The following URB1 variants were observed in gnomAD, a reference collection of about 807,000 sequenced individuals.
URB1 encodes nucleolar pre-ribosomal-associated protein 1.
Under a neutral mutation model 242.3 loss-of-function variants are expected in URB1, and 197 were observed. The ratio of observed to expected loss-of-function variants is 0.81; its 90% confidence interval spans 0.72 to 0.91. The LOEUF is 0.91. Among genes scored for constraint, URB1 ranks in the 40% least tolerant of loss-of-function variants. The pLI, the probability that URB1 is intolerant of heterozygous loss-of-function variation, is 0.00. For synonymous variants in URB1, 1,153 were observed against 1,201.8 expected, an observed-to-expected ratio of 0.96 and a Z score of 0.84; for missense variants, 2,721 against 2,860.5, an observed-to-expected ratio of 0.95 and a Z score of 1.11.
chr21:32,358,953 G>A (rs141815405), intron 14 of URB1, among the ~76,000 whole-genome samples: 3 of 152,268 alleles, frequency 2.0e-5, no homozygotes, highest in East Asian at 1.9e-4. Flanking sequence ...TGAAGCACCC[G>A]TAACCTGCCC....
In URB1 at chr21:32,322,040, T is replaced by C. The variant is rs535821780; in HGVS notation, c.5341-96A>G. ...CCACTATTTTAAGTGGTGGCAAAAGTTGTAACACAGCAGCCCTGACCTCCA... is the reference window on the plus strand; with the variant it reads ...CCACTATTTTAAGTGGTGGCAAAAGCTGTAACACAGCAGCCCTGACCTCCA... On this transcript the variant is annotated intron_variant, in intron 33 of 38. Coordinates refer to ENST00000382751, the MANE Select transcript of URB1 (RefSeq NM_014825.3). 2.0e-5 allele frequency: 28 copies of C among 1,421,284 alleles called. No homozygotes were observed. In the African/African-American group the frequency reaches 3.3e-4, roughly 17 times the overall value. The allele number at this position is 1,421,284 out of a possible 1,614,324, so 88.0% of individuals were successfully genotyped here. A position where few individuals can be genotyped will look rare whatever the true frequency, so the allele number is the denominator to read the frequency against.
intron 5 of URB1, among the ~76,000 whole-genome samples, chr21:32,376,967 A>G (rs1415394754): frequency 6.6e-6 from 1 of 152,116 alleles, no homozygotes. Context: ...CAGCCTCCAG[A>G]GTATTTTTAA....
At chr21:32,360,979 G>A (rs886359341) in intron 13 of URB1, 28 bp downstream of exon 13, 13 of 1,485,042 alleles carry the variant, frequency 8.8e-6, no homozygotes, top group East Asian at 2.5e-5. Context: ...CAACAGTGGC[G>A]GCTTGTCTGC....
chr21:32,334,450 C>G, intron 28 of URB1, 116 bp from the exon 29 acceptor site: 1 of 1,226,862 alleles, frequency 8.2e-7, no homozygotes, highest in Non-Finnish European at 1.1e-6. Flanking sequence ...AGGTGCTGTT[C>G]TGAGCATGCG....
intron 4 of URB1, among the ~76,000 whole-genome samples, chr21:32,382,972 A>G (rs1037493150): frequency 2.6e-5 from 4 of 152,250 alleles, no homozygotes; most frequent in African/African-American, 9.6e-5. Context: ...AAAGTCACTT[A>G]TTAAAAAGCC....
At chr21:32,333,902 G>A (rs2032924693) in intron 29 of URB1, among the ~76,000 whole-genome samples, 1 of 152,216 alleles carries the variant, frequency 6.6e-6, no homozygotes, top group Admixed American at 6.5e-5. Flanking sequence ...TGAAATGATA[G>A]GATCCTTGGG....
chr21:32,372,138 CA>C (rs2033412890), intron 8 of URB1, among the ~76,000 whole-genome samples: 1 of 152,184 alleles, frequency 6.6e-6, no homozygotes, highest in Admixed American at 6.5e-5. Flanking sequence ...GCAAAGCTGG[CA>C]TAACAATGGT....
intron 1 of URB1, 115 bp from the exon 2 acceptor site, chr21:32,385,799 GCA>G: frequency 7.8e-7 from 1 of 1,288,632 alleles, no homozygotes; most frequent in Non-Finnish European, 1.0e-6. Flanking sequence ...CACCTACACT[GCA>G]CAGAAGCTAC....
chr21:32,378,998 T>C (rs1344916336), intron 4 of URB1, among the ~76,000 whole-genome samples: 2 of 152,258 alleles, frequency 1.3e-5, no homozygotes, highest in African/African-American at 2.4e-5. Context: ...TGTGGTGATG[T>C]CTGGTTTTTA....
chr21:32,344,878 C>T (rs2033068378), intron 23 of URB1, 122 bp from the exon 24 acceptor site: 1 of 1,167,076 alleles, frequency 8.6e-7, no homozygotes, highest in Non-Finnish European at 1.2e-6. Context: ...CCACACTACC[C>T]ACTCACAGGA....
chr21:32,364,390 G>A (rs1011485022), intron 10 of URB1, among the ~76,000 whole-genome samples: 4 of 152,212 alleles, frequency 2.6e-5, no homozygotes, highest in South Asian at 2.1e-4. Flanking sequence ...AGAGCCCTCC[G>A]ACACTGAGAT....
Position 32,339,487 on chromosome 21 carries a change from T to C in URB1, c.4317-587A>G, listed in dbSNP as rs1015672025. Among the ~76,000 whole-genome samples the C allele has an allele frequency of 2.6e-5, 4 of 151,604 alleles. No homozygotes were observed. The East Asian group carries it at 7.8e-4, about 29-fold the overall frequency. ...GGGATGCAGTGCATTTATTTTCTTT[T>C]TTTTTTCTTTTTTTTTTTTTTGAGA... On this transcript the variant is annotated intron_variant, in intron 25 of 38. Coordinates refer to ENST00000382751, the MANE Select transcript of URB1 (RefSeq NM_014825.3).
chr21:32,380,843 G>A (rs2033514860), intron 4 of URB1, among the ~76,000 whole-genome samples: 3 of 152,196 alleles, frequency 2.0e-5, no homozygotes, highest in Admixed American at 2.0e-4. Flanking sequence ...ACAGTACTGG[G>A]AGTCAGGGCC....
chr21:32,353,733 C>T (rs2033185233), intron 18 of URB1, among the ~76,000 whole-genome samples, 200 bp downstream of exon 18: 2 of 152,156 alleles, frequency 1.3e-5, no homozygotes, highest in African/African-American at 2.4e-5. Flanking sequence ...GACCAATTTC[C>T]CAAAAGCCTA....
chr21:32,331,979 C>A (rs1253707994), intron 30 of URB1, among the ~76,000 whole-genome samples: 1 of 152,218 alleles, frequency 6.6e-6, no homozygotes. Context: ...CTGGGCAGCC[C>A]CCACTTCTAC....
At chr21:32,330,685 C>G (rs1308492373) in intron 30 of URB1, among the ~76,000 whole-genome samples, 1 of 152,198 alleles carries the variant, frequency 6.6e-6, no homozygotes, top group African/African-American at 2.4e-5. Context: ...ACAGATTTAG[C>G]AGCACCACTG....
rs371269858 is a variant in URB1, at chr21:32,319,295, T to C, written c.5714A>G (p.Gln1905Arg). The change falls in exon 36 of 39, where the codon CAG (glutamine) becomes CGG (arginine). Residue 1905 changes from glutamine (Q) to arginine (R), a missense_variant. Coordinates refer to ENST00000382751, the MANE Select transcript of URB1 (RefSeq NM_014825.3). ...ESQRLCQPSSQEPAKRLALHL... is the reference protein window; with the variant it reads ...ESQRLCQPSSREPAKRLALHL... ...CAGGGCAAGCCGCTTGGCAGGCTCC[T>C]GGGAGCTAGGCTGGCAAAGGCGCTG... The C allele has an allele frequency of 6.1e-4, 941 of 1,551,286 alleles. 2 individuals are homozygous for C. The African/African-American group carries it at 0.012, about 20-fold the overall frequency.
At chr21:32,342,026 G>A (rs1489761686) in intron 24 of URB1, among the ~76,000 whole-genome samples, 1 of 113,986 alleles carries the variant, frequency 8.8e-6, no homozygotes, top group Non-Finnish European at 1.8e-5. Flanking sequence ...ACAAGAGCAT[G>A]AAGGTTTTGG....
intron 8 of URB1, among the ~76,000 whole-genome samples, chr21:32,370,305 CA>C (rs1180622008): frequency 6.6e-6 from 1 of 151,638 alleles, no homozygotes; most frequent in Non-Finnish European, 1.5e-5. Flanking sequence ...TTTTAAAAAC[CA>C]AATTAGAAAG....
Sources: gnomAD v4.1 joint callset for allele counts (sites outside exome capture counted in the v4.1 genomes callset) on GRCh38, gnomAD v4.1.1 for gene constraint, MANE v1.5 for transcripts, NCBI Gene and HGNC (gene_info 2026-07-23, HGNC 2026-07-21) for gene names.